ZNF385D: variants seen among roughly 807,000 people sequenced by gnomAD.
ZNF385D encodes the protein zinc finger protein 659.
Under a neutral mutation model 35.8 loss-of-function variants are expected in ZNF385D, and 15 were observed. That is an observed-to-expected ratio of 0.42 (90% CI 0.28 to 0.64). The LOEUF is 0.64. ZNF385D is among the 30% of genes least tolerant of loss of function. ZNF385D has a pLI of 0.23. For missense variants in ZNF385D, 474 were observed against 494.6 expected (o/e 0.96, Z 0.39); for synonymous variants, 212 against 186.8 (o/e 1.13, Z -1.10).
At chr3:22,240,162 G>A (rs1678586244) in intron 2 of ZNF385D, among the ~76,000 whole-genome samples, 1 of 115,130 alleles carries the variant, frequency 8.7e-6, no homozygotes, top group African/African-American at 3.6e-5. Flanking sequence ...CAGCCTAGGT[G>A]ACAAAGCGAG....
chr3:22,193,384 C>A (rs2728991), intron 2 of ZNF385D, among the ~76,000 whole-genome samples: 23,103 of 151,758 alleles, frequency 0.15, 1,837 homozygotes, highest in Middle Eastern at 0.23. Flanking sequence ...TGAAATAGAT[C>A]AAAAAAATTA....
At chr3:21,983,170 T>A (rs36123874) in intron 3 of ZNF385D, among the ~76,000 whole-genome samples, 7 of 117,904 alleles carry the variant, frequency 5.9e-5, no homozygotes, top group South Asian at 3.9e-4. Context: ...TTTTATTATT[T>A]TTTTTTATTA....
intron 2 of ZNF385D, among the ~76,000 whole-genome samples, chr3:21,577,290 A>G (rs1192965655): frequency 6.6e-6 from 1 of 152,172 alleles, no homozygotes; most frequent in Non-Finnish European, 1.5e-5. Flanking sequence ...TTATTTCACT[A>G]GACATAATGT....
intron 2 of ZNF385D, among the ~76,000 whole-genome samples, chr3:21,648,698 G>C (rs556821439): frequency 6.6e-6 from 1 of 152,174 alleles, no homozygotes; most frequent in Admixed American, 6.5e-5. Flanking sequence ...AATTTGAAGA[G>C]TGTGAATTGG....
intron 2 of ZNF385D, among the ~76,000 whole-genome samples, chr3:22,185,801 A>C (rs1695591925): frequency 6.6e-6 from 1 of 152,106 alleles, no homozygotes; most frequent in South Asian, 2.1e-4. Context: ...TTTCTGTCCC[A>C]CCTGGAAAAG....
chr3:21,542,383 T>C (rs979520808), intron 3 of ZNF385D, among the ~76,000 whole-genome samples: 1 of 150,060 alleles, frequency 6.7e-6, no homozygotes. Context: ...GGTGTCAGCC[T>C]GCTGCCCAGG....
intron 2 of ZNF385D, among the ~76,000 whole-genome samples, chr3:21,575,568 ACT>A (rs549030466): frequency 3.7e-4 from 56 of 151,842 alleles, no homozygotes; most frequent in Non-Finnish European, 3.2e-4. Flanking sequence ...TAACTTGAAA[ACT>A]CTTTTTCCCT....
chr3:22,109,267 C>A (rs372107292), intron 3 of ZNF385D, among the ~76,000 whole-genome samples: 2 of 152,086 alleles, frequency 1.3e-5, no homozygotes, highest in South Asian at 2.1e-4. Flanking sequence ...CACTTATCAA[C>A]TCAATAATAA....
upstream of ZNF385D, among the ~76,000 whole-genome samples, chr3:21,755,032 T>C (rs1238593961): frequency 6.6e-6 from 1 of 152,216 alleles, no homozygotes; most frequent in Non-Finnish European, 1.5e-5. Context: ...TTCCATTCAG[T>C]ACAGATGCCA....
rs530453078 is a variant in ZNF385D at position 22,124,831 on chromosome 3, GAT to G, written c.325+43984_325+43985del. Among the ~76,000 whole-genome samples the G allele has an allele frequency of 2.8e-3, 429 of 152,190 alleles. 1 individual carries two copies. The highest frequency in any genetic ancestry group is 9.8e-3 in the African/African-American group (408 of 41,522). On this transcript the variant is annotated intron_variant, in intron 3 of 5. Transcript: ENST00000494108. ...CTGGTTATTAGTTTCTTGTCAGATG[GAT>G]AGTTTGCAAATAATTGTTTCCCATA...
At chr3:22,363,335 CCACT>C (rs1696503466) in intron 2 of ZNF385D, among the ~76,000 whole-genome samples, 1 of 152,156 alleles carries the variant, frequency 6.6e-6, no homozygotes, top group Non-Finnish European at 1.5e-5. Flanking sequence ...TGACCCGCAC[CCACT>C]GTCAAAAGCA....
chr3:22,155,184 T>G (rs1705507300), intron 3 of ZNF385D, among the ~76,000 whole-genome samples: 1 of 152,088 alleles, frequency 6.6e-6, no homozygotes, highest in South Asian at 2.1e-4. Flanking sequence ...TCTATAATTA[T>G]TGTGTATCAA....
At chr3:22,186,547 T>C (rs1397140124) in intron 2 of ZNF385D, among the ~76,000 whole-genome samples, 2 of 152,290 alleles carry the variant, frequency 1.3e-5, no homozygotes, top group East Asian at 3.9e-4. Flanking sequence ...CATTTCACTT[T>C]ACCTGTCCTG....
At chr3:21,970,289 T>C (rs1022775291) in intron 3 of ZNF385D, among the ~76,000 whole-genome samples, 1 of 152,164 alleles carries the variant, frequency 6.6e-6, no homozygotes, top group Non-Finnish European at 1.5e-5. Flanking sequence ...AATAGCTGTT[T>C]TGAGGAAACT....
intron 3 of ZNF385D, among the ~76,000 whole-genome samples, chr3:21,957,955 G>C (rs746281307): frequency 1.8e-4 from 27 of 152,104 alleles, no homozygotes; most frequent in Non-Finnish European, 3.4e-4. Flanking sequence ...AAAACAGACA[G>C]TACTTGAAAC....
At chr3:22,274,347 A>G (rs1357830713) in intron 2 of ZNF385D, among the ~76,000 whole-genome samples, 3 of 152,034 alleles carry the variant, frequency 2.0e-5, no homozygotes, top group African/African-American at 7.2e-5. Flanking sequence ...CCATGAGGAC[A>G]GTATGATATC....
chr3:21,748,115 G>T (rs979894205), intron 1 of ZNF385D, among the ~76,000 whole-genome samples: 1 of 152,110 alleles, frequency 6.6e-6, no homozygotes, highest in Non-Finnish European at 1.5e-5. Context: ...TGAAATCACA[G>T]CACAGGAAGT....
At chr3:22,118,286 T>G (rs1375799576) in intron 3 of ZNF385D, among the ~76,000 whole-genome samples, 3 of 152,212 alleles carry the variant, frequency 2.0e-5, no homozygotes. Context: ...TAACTTTAGT[T>G]TGGTAATCCC....
In ZNF385D at chr3:22,127,802, T is replaced by C. The variant is rs995252004; in HGVS notation, c.325+41015A>G. 3.9e-4 allele frequency among the ~76,000 whole-genome samples: 60 copies of C among 152,168 alleles called. 1 individual carries two copies. Among genetic ancestry groups the C allele is most frequent in the African/African-American group, 4.3e-4 (18 of 41,448 alleles). ...ACATTCTACACTTTAACTTCACCTCTCCCACTCTTTAACTTTTTGTTGTTT... is the reference window on the plus strand; with the variant it reads ...ACATTCTACACTTTAACTTCACCTCCCCCACTCTTTAACTTTTTGTTGTTT... On this transcript the variant is annotated intron_variant, in intron 3 of 5. Transcript: ENST00000494108.
Sources: gnomAD v4.1 joint callset for allele counts (sites outside exome capture counted in the v4.1 genomes callset) on GRCh38, gnomAD v4.1.1 for gene constraint, MANE v1.5 for transcripts, NCBI Gene and HGNC (gene_info 2026-07-23, HGNC 2026-07-21) for gene names.